DNM3: variants seen among roughly 807,000 people sequenced by gnomAD.
The protein encoded by DNM3 is dynamin 3, also known as dynamin-3.
In DNM3, 47 loss-of-function variants were observed where a neutral mutation model predicts 101.6. That is an observed-to-expected ratio of 0.46 (90% CI 0.37 to 0.59). DNM3 has a LOEUF of 0.59. Among genes scored for constraint, DNM3 ranks in the 20% least tolerant of loss-of-function variants. The pLI is 0.00. For synonymous variants in DNM3, 385 were observed against 387.9 expected, an observed-to-expected ratio of 0.99 and a Z score of 0.09; for missense variants, 849 against 1,085.7, an observed-to-expected ratio of 0.78 and a Z score of 3.06.
chr1:172,108,949 G>A (rs1004856450), intron 13 of DNM3, among the ~76,000 whole-genome samples: 2 of 151,806 alleles, frequency 1.3e-5, no homozygotes, highest in African/African-American at 4.8e-5. Flanking sequence ...AATAAGCTTG[G>A]GAAATAAAAA....
At chr1:172,164,099 A>G (rs1412626588) in intron 14 of DNM3, among the ~76,000 whole-genome samples, 1 of 152,018 alleles carries the variant, frequency 6.6e-6, no homozygotes, top group Non-Finnish European at 1.5e-5. Flanking sequence ...CTAACCACTA[A>G]CTGAGCTTTT....
intron 15 of DNM3, among the ~76,000 whole-genome samples, chr1:172,287,805 GCA>G (rs3078985): frequency 0.083 from 11,936 of 143,972 alleles, 691 homozygotes; most frequent in African/African-American, 0.16. Flanking sequence ...ATATACACAT[GCA>G]CACACACACA....
rs1021811615 is a variant in DNM3 at position 172,411,737 on chromosome 1, A to G, written c.*3896A>G. ...CTCAGAATGAAGAATAAAGCCTACT[A>G]GGTCTCTAACTGTTGAACTCATGAA... On this transcript the variant is annotated 3_prime_UTR_variant, in exon 21 of 21. Coordinates refer to ENST00000627582, the MANE Select transcript of DNM3 (RefSeq NM_015569.5). 3 of 985,220 alleles carry G rather than the reference A, an allele frequency of 3.0e-6. No homozygotes were observed. The highest frequency in any genetic ancestry group is 3.5e-5 in the African/African-American group (2 of 57,258). 61.0% of individuals were successfully genotyped at this position (985,220 alleles called of 1,614,324 possible).
intron 17 of DNM3, among the ~76,000 whole-genome samples, chr1:172,325,374 T>C (rs1050365296): frequency 8.5e-5 from 13 of 152,308 alleles, no homozygotes; most frequent in African/African-American, 3.1e-4. Context: ...CTTACTGTTT[T>C]GATTTCGAAT....
intron 4 of DNM3, among the ~76,000 whole-genome samples, chr1:171,990,228 G>T (rs767363588): frequency 2.6e-5 from 4 of 152,032 alleles, no homozygotes; most frequent in Non-Finnish European, 5.9e-5. Context: ...TTTTGTCTCT[G>T]TCTTTGATGT....
At chr1:172,322,415 T>A (rs964046625) in intron 16 of DNM3, among the ~76,000 whole-genome samples, 5 of 152,210 alleles carry the variant, frequency 3.3e-5, no homozygotes, top group Non-Finnish European at 7.4e-5. Flanking sequence ...GGATCTGACC[T>A]TGTGAGGACT....
intron 1 of DNM3, among the ~76,000 whole-genome samples, chr1:171,894,394 T>TTATTA (rs2037581281): frequency 6.6e-6 from 1 of 151,954 alleles, no homozygotes; most frequent in East Asian, 2.0e-4. Flanking sequence ...TTATTTTTAC[T>TTATTA]TATTTTATTT....
At chr1:172,122,683 A>T (rs2056393466) in intron 13 of DNM3, among the ~76,000 whole-genome samples, 1 of 152,172 alleles carries the variant, frequency 6.6e-6, no homozygotes, top group Non-Finnish European at 1.5e-5. Flanking sequence ...ACTGTAGCCA[A>T]CATCGTTGTA....
intron 10 of DNM3, among the ~76,000 whole-genome samples, chr1:172,053,576 C>G (rs2050361529): frequency 6.6e-6 from 1 of 152,110 alleles, no homozygotes; most frequent in Non-Finnish European, 1.5e-5. Context: ...TATCTTCTCT[C>G]TAGCCTGTAA....
At chr1:172,303,522 C>A (rs778042860) in intron 15 of DNM3, among the ~76,000 whole-genome samples, 16 of 152,110 alleles carry the variant, frequency 1.1e-4, no homozygotes, top group Non-Finnish European at 2.2e-4. Context: ...TCAGGAAATA[C>A]AGAGAACACC....
At chr1:172,001,031 T>A (rs1217121831) in intron 4 of DNM3, among the ~76,000 whole-genome samples, 1 of 151,544 alleles carries the variant, frequency 6.6e-6, no homozygotes. Context: ...GAAAAATGAG[T>A]GAGAAATGTC....
chr1:172,194,689 T>G (rs1428109972), intron 14 of DNM3, among the ~76,000 whole-genome samples: 2 of 151,084 alleles, frequency 1.3e-5, no homozygotes, highest in African/African-American at 4.9e-5. Context: ...CAACCCCTAC[T>G]TTTTTTTTAT....
At chr1:171,958,084 C>T (rs2042978439) in intron 2 of DNM3, among the ~76,000 whole-genome samples, 1 of 152,172 alleles carries the variant, frequency 6.6e-6, no homozygotes, top group Admixed American at 6.5e-5. Context: ...GCTGGGGAGG[C>T]CTGACAACTG....
chr1:172,104,898 T>A (rs1012666083), intron 13 of DNM3, among the ~76,000 whole-genome samples: 1 of 152,204 alleles, frequency 6.6e-6, no homozygotes, highest in African/African-American at 2.4e-5. Flanking sequence ...ATCTGCAAAG[T>A]CTAGTTCTGC....
At chr1:172,209,713 A>G (rs2060447957) in intron 14 of DNM3, among the ~76,000 whole-genome samples, 1 of 152,070 alleles carries the variant, frequency 6.6e-6, no homozygotes, top group Non-Finnish European at 1.5e-5. Context: ...ACATATAACC[A>G]GTGAGCCATA....
At chr1:172,033,027 T>C in intron 5 of DNM3, 78 bp from the exon 6 acceptor site, 6 of 1,523,950 alleles carry the variant, frequency 3.9e-6, no homozygotes, top group Non-Finnish European at 5.3e-6. Context: ...TTACTCTGCC[T>C]ATGTGAGAGC....
chr1:171,916,742 T>A (rs775361512), intron 1 of DNM3, among the ~76,000 whole-genome samples: 34 of 152,306 alleles, frequency 2.2e-4, no homozygotes, highest in Admixed American at 1.0e-3. Flanking sequence ...CTTAAAACTC[T>A]ATAGCGCCTT....
chr1:172,066,517 G>GT (rs1292734471), intron 10 of DNM3, among the ~76,000 whole-genome samples: 2 of 152,038 alleles, frequency 1.3e-5, no homozygotes, highest in African/African-American at 4.8e-5. Context: ...TAATCCATTA[G>GT]TCCATGAATG....
At chr1:171,963,088 G>A (rs1236715842) in intron 2 of DNM3, among the ~76,000 whole-genome samples, 1 of 152,094 alleles carries the variant, frequency 6.6e-6, no homozygotes, top group Non-Finnish European at 1.5e-5. Flanking sequence ...GGCACATAAA[G>A]GTTTATCACA....
Sources: gnomAD v4.1 joint callset for allele counts (sites outside exome capture counted in the v4.1 genomes callset) on GRCh38, gnomAD v4.1.1 for gene constraint, MANE v1.5 for transcripts, NCBI Gene and HGNC (gene_info 2026-07-23, HGNC 2026-07-21) for gene names.